Variants in AMDHD2 observed in about 807,000 individuals in gnomAD.
AMDHD2 encodes the protein N-acetylglucosamine-6-phosphate deacetylase.
AMDHD2 carries 24 observed loss-of-function variants against 41.8 expected under a neutral mutation model. The ratio of observed to expected loss-of-function variants is 0.57; its 90% CI spans 0.42 to 0.81. The LOEUF (loss-of-function observed/expected upper bound fraction) is 0.81. AMDHD2 is among the 30% of genes least tolerant of loss of function. The pLI is 0.00. For missense variants in AMDHD2, 540 were observed against 588.5 expected, an observed-to-expected ratio of 0.92 and a Z score of 0.85; for synonymous variants, 332 against 255.5, an observed-to-expected ratio of 1.30 and a Z score of -2.85.
In AMDHD2 at chr16:2,529,668, G is replaced by T; in HGVS notation, c.*105G>T. The T allele has an allele frequency of 6.4e-7, 1 of 1,557,912 alleles. No homozygotes were observed. Among genetic ancestry groups the T allele is most frequent in the Non-Finnish European group, 8.6e-7 (1 of 1,157,394 alleles). ...AGTGAGTCGGGAGCCCTGCTGGATT[G>T]ATGCCCAGGGCCTGTGCGGCCGCCC... On this transcript the variant is annotated 3_prime_UTR_variant, in exon 11 of 11. Transcript: ENST00000293971.
chr16:2,529,705 G>T lies in AMDHD2; in HGVS notation c.*142G>T. On this transcript the variant is annotated 3_prime_UTR_variant, in exon 11 of 11. Transcript: ENST00000293971. ...CTGTGCGGCCGCCCTGGAGGCGGTG[G>T]CTGGGATAAACGTGCACCCAGCAGG... 1 of 1,483,328 alleles carries T rather than the reference G, an allele frequency of 6.7e-7. No individual in the cohort carries two copies. The highest frequency in any genetic ancestry group is 8.9e-7 in the Non-Finnish European group (1 of 1,117,350). The allele number at this position is 1,483,328 out of a possible 1,614,324, so 91.9% of individuals were successfully genotyped here.
Position 2,521,331 on chromosome 16 carries a change from C to T in AMDHD2, c.360+208C>T, listed in dbSNP as rs931099998. Among the ~76,000 whole-genome samples, 7 of 152,110 alleles carry T rather than the reference C, an allele frequency of 4.6e-5. No individual in the cohort carries two copies. The East Asian group carries it at 5.8e-4, about 13-fold the overall frequency. On this transcript the variant is annotated intron_variant, in intron 3 of 10. Coordinates refer to ENST00000293971, the MANE Select transcript of AMDHD2 (RefSeq NM_001330449.2). Reference sequence around the variant, plus strand: ...GCCTGGCCTCCCTAGACCCTCTGTCCTCCGCAGCTGTCTCCACACTGCTGG... The same window carrying T: ...GCCTGGCCTCCCTAGACCCTCTGTCTTCCGCAGCTGTCTCCACACTGCTGG...
rs139970822 is a variant in AMDHD2, at chr16:2,530,122, G to C, written c.*559G>C. 2 of 1,312,426 alleles carry C rather than the reference G, an allele frequency of 1.5e-6. No individual in the cohort carries two copies. Among genetic ancestry groups the C allele is most frequent in the South Asian group, 3.0e-5 (2 of 67,270 alleles). The allele number at this position is 1,312,426 out of a possible 1,614,324, so 81.3% of individuals were successfully genotyped here. On this transcript the variant is annotated 3_prime_UTR_variant, in exon 11 of 11. Coordinates refer to ENST00000293971, the MANE Select transcript of AMDHD2 (RefSeq NM_001330449.2). ...GCCAGGGCACAGTGCCAGGGGCTCC[G>C]CTCTGACCTCCAGGAGGGAGACTGG...
intron 3 of AMDHD2, among the ~76,000 whole-genome samples, chr16:2,523,363 C>T (rs377478926): frequency 6.6e-6 from 1 of 152,200 alleles, no homozygotes; most frequent in African/African-American, 2.4e-5. Flanking sequence ...TGGGCAGAGC[C>T]AGAGCTGGGA....
At chr16:2,521,691 T>A (rs9934396) in intron 3 of AMDHD2, among the ~76,000 whole-genome samples, 2,925 of 152,250 alleles carry the variant, frequency 0.019, 97 homozygotes, top group African/African-American at 0.066. Context: ...TTACTACTAT[T>A]CAGGCTCCTC....
rs766387177 is a variant in AMDHD2 at position 2,531,122 on chromosome 16, G to A, written c.*1559G>A. 27 of 1,534,606 alleles carry A rather than the reference G, an allele frequency of 1.8e-5. 1 individual carries two copies. The highest frequency in any genetic ancestry group is 2.3e-4 in the Middle Eastern group (1 of 4,340). On this transcript the variant is annotated 3_prime_UTR_variant, in exon 11 of 11. Transcript: ENST00000293971. Reference sequence around the variant, plus strand: ...CATGTTGGTCATCCCCACCTCAGACGGGACGCCCAGTCCAGAGCTGGTGAG... The same window carrying A: ...CATGTTGGTCATCCCCACCTCAGACAGGACGCCCAGTCCAGAGCTGGTGAG...
In AMDHD2 at chr16:2,520,393, C is replaced by A; in HGVS notation, c.-66C>A. 4.2e-6 allele frequency: 5 copies of A among 1,185,534 alleles called. No individual in the cohort carries two copies. Among genetic ancestry groups the A allele is most frequent in the East Asian group, 3.3e-5 (1 of 30,540 alleles). The allele number at this position is 1,185,534 out of a possible 1,614,324, so 73.4% of individuals were successfully genotyped here. ...GCGGTCTCAGCTCTCGGCTGGGGTT[C>A]GTCACTGGGCGCGGGATTTGGCCGC... On this transcript the variant is annotated 5_prime_UTR_variant, in exon 1 of 11. Transcript: ENST00000293971.
At position 2,530,530 on chromosome 16, in the gene AMDHD2, CT is replaced by C; in HGVS notation, c.*970del. 1 of 1,614,196 alleles carries C rather than the reference CT, an allele frequency of 6.2e-7. No individual in the cohort carries two copies. The highest frequency in any genetic ancestry group is 8.5e-7 in the Non-Finnish European group (1 of 1,180,020). ...CCCACGTCAGGGGTGATTGTCTTGA[CT>C]TTCTCTCCATTTGAGTTCTGGGGTG... On this transcript the variant is annotated 3_prime_UTR_variant, in exon 11 of 11. Transcript: ENST00000293971.
In AMDHD2 at chr16:2,530,134, A is replaced by C. The variant is rs910717484; in HGVS notation, c.*571A>C. 2 of 1,370,952 alleles carry C rather than the reference A, an allele frequency of 1.5e-6. No individual in the cohort carries two copies. The highest frequency in any genetic ancestry group is 2.9e-5 in the African/African-American group (2 of 68,424). The allele number at this position is 1,370,952 out of a possible 1,614,324, so 84.9% of individuals were successfully genotyped here. On this transcript the variant is annotated 3_prime_UTR_variant, in exon 11 of 11. Coordinates refer to ENST00000293971, the MANE Select transcript of AMDHD2 (RefSeq NM_001330449.2). ...TGCCAGGGGCTCCGCTCTGACCTCCAGGAGGGAGACTGGGCCCGGGACCCC... is the reference window on the plus strand; with the variant it reads ...TGCCAGGGGCTCCGCTCTGACCTCCCGGAGGGAGACTGGGCCCGGGACCCC...
Position 2,520,859 on chromosome 16 carries a change from CG to C in AMDHD2, c.179del (p.Gly60AlafsTer68). The C allele has an allele frequency of 6.2e-7, 1 of 1,609,980 alleles. No individual in the cohort carries two copies. The highest frequency in any genetic ancestry group is 8.5e-7 in the Non-Finnish European group (1 of 1,178,486). Reference sequence around the variant, plus strand: ...GCGTGGCCGACGAGCGGCGGGACTGCGGGGGCCGCATCTTGGCTCCCGGATT... The same window carrying C: ...GCGTGGCCGACGAGCGGCGGGACTGCGGGGCCGCATCTTGGCTCCCGGATT... ...RRVADERRDCGGRILAPGFID... is the reference protein window; with the variant it reads ...RRVADERRDCXGRILAPGFID... On this transcript the variant is annotated frameshift_variant, in exon 2 of 11. Coordinates refer to ENST00000293971, the MANE Select transcript of AMDHD2 (RefSeq NM_001330449.2). LOFTEE classifies it high-confidence loss of function.
At position 2,521,096 on chromosome 16, in the gene AMDHD2, C is replaced by A; in HGVS notation, c.333C>A (p.Val111=). 6.3e-7 allele frequency: 1 copy of A among 1,597,204 alleles called. No individual in the cohort carries two copies. Among genetic ancestry groups the A allele is most frequent in the Admixed American group, 1.7e-5 (1 of 58,718 alleles). ...HGVTSFCPTL[V]TSPPEVYHKV... is the part of the protein sequence containing the mutation. ...TCACCTCCTTCTGCCCCACCCTGGTCACTTCCCCACCGGAGGTTTATCACA... is the reference window on the plus strand; with the variant it reads ...TCACCTCCTTCTGCCCCACCCTGGTAACTTCCCCACCGGAGGTTTATCACA... The change falls in exon 3 of 11, where the codon GTC becomes GTA. Residue 111 remains valine, a synonymous_variant. Transcript: ENST00000293971.
chr16:2,520,568 C>T (rs757894764), intron 1 of AMDHD2, 27 bp downstream of exon 1: 19 of 1,147,318 alleles, frequency 1.7e-5, no homozygotes, highest in South Asian at 4.3e-5. Flanking sequence ...GACTGCGGGG[C>T]TGGGGACCGG....
In AMDHD2 at chr16:2,521,129, G is replaced by A; in HGVS notation, c.360+6G>A. 1 of 1,565,360 alleles carries A rather than the reference G, an allele frequency of 6.4e-7. No homozygotes were observed. The highest frequency in any genetic ancestry group is 1.2e-5 in the South Asian group (1 of 86,832). ...CACCGGAGGTTTATCACAAGGTGAG[G>A]TGAGGCTCCCTGGCTGAGGTGGAGG... is the stretch of plus-strand genomic sequence containing the variant. On this transcript the variant is annotated splice_donor_region_variant and intron_variant, in intron 3 of 10. Coordinates refer to ENST00000293971, the MANE Select transcript of AMDHD2 (RefSeq NM_001330449.2).
In AMDHD2 at chr16:2,530,676, CAA is replaced by C. The variant is rs2066079307; in HGVS notation, c.*1115_*1116del. 1.2e-6 allele frequency: 2 copies of C among 1,614,132 alleles called. No individual in the cohort carries two copies. The highest frequency in any genetic ancestry group is 1.7e-6 in the Non-Finnish European group (2 of 1,180,010). On this transcript the variant is annotated 3_prime_UTR_variant, in exon 11 of 11. Coordinates refer to ENST00000293971, the MANE Select transcript of AMDHD2 (RefSeq NM_001330449.2). ...CCAGTTAAGGAAATGTCTCCAGGTC[CAA>C]AGAGATAGGATGGTCTGGGCCCCAC...
In AMDHD2 at chr16:2,520,784, G is replaced by T. The variant is rs760946327; in HGVS notation, c.99G>T (p.Val33=). The T allele has an allele frequency of 1.6e-5, 25 of 1,602,268 alleles. No homozygotes were observed. The highest frequency in any genetic ancestry group is 2.0e-5 in the Non-Finnish European group (24 of 1,176,608). The part of the protein sequence containing the change: ...GGKLLREDLW[V]RGGRILDPEK... ...GCGTCCCCAGGGAGGATCTGTGGGT[G>T]CGCGGAGGCCGCATCTTGGACCCAG... is the stretch of plus-strand genomic sequence containing the variant. The change falls in exon 2 of 11, where the codon GTG becomes GTT. Residue 33 remains valine (V), a synonymous_variant. Coordinates refer to ENST00000293971, the MANE Select transcript of AMDHD2 (RefSeq NM_001330449.2).
In AMDHD2 at chr16:2,530,805, G is replaced by A; in HGVS notation, c.*1242G>A. Reference sequence around the variant, plus strand: ...ACAAGGGGTTGATCTCAGCCCACAAGCCCCAGGGGCAGCCCAGGAAAGCAG... The same window carrying A: ...ACAAGGGGTTGATCTCAGCCCACAAACCCCAGGGGCAGCCCAGGAAAGCAG... On this transcript the variant is annotated 3_prime_UTR_variant, in exon 11 of 11. Coordinates refer to ENST00000293971, the MANE Select transcript of AMDHD2 (RefSeq NM_001330449.2). 1 of 1,613,778 alleles carries A rather than the reference G, an allele frequency of 6.2e-7. No homozygotes were observed. Among genetic ancestry groups the A allele is most frequent in the Non-Finnish European group, 8.5e-7 (1 of 1,179,982 alleles).
chr16:2,529,465 T>C lies in AMDHD2; in HGVS notation c.1142-10T>C. 1 of 1,609,304 alleles carries C rather than the reference T, an allele frequency of 6.2e-7. No individual in the cohort carries two copies. Among genetic ancestry groups the C allele is most frequent in the Non-Finnish European group, 8.5e-7 (1 of 1,179,922 alleles). Reference sequence around the variant, plus strand: ...TCCTGCCCCCTACTCATTGCCCGGCTCTGTCCCAGACTTCGTGGTGCTCGA... The same window carrying C: ...TCCTGCCCCCTACTCATTGCCCGGCCCTGTCCCAGACTTCGTGGTGCTCGA... On this transcript the variant is annotated splice_polypyrimidine_tract_variant and intron_variant, in intron 10 of 10. Coordinates refer to ENST00000293971, the MANE Select transcript of AMDHD2 (RefSeq NM_001330449.2).
At chr16:2,522,104 G>T (rs1226496083) in intron 3 of AMDHD2, among the ~76,000 whole-genome samples, 1 of 152,042 alleles carries the variant, frequency 6.6e-6, no homozygotes, top group Non-Finnish European at 1.5e-5. Flanking sequence ...ATTTTTAAGA[G>T]ACAGGGTTTC....
intron 3 of AMDHD2, among the ~76,000 whole-genome samples, chr16:2,523,814 C>G (rs8056985): frequency 0.042 from 6,409 of 152,268 alleles, 433 homozygotes; most frequent in African/African-American, 0.14. Context: ...CTGTCCCCAG[C>G]CACATTCCCC....
Sources: allele counts gnomAD v4.1 joint callset (sites outside exome capture counted in the v4.1 genomes callset), GRCh38; gene constraint gnomAD v4.1.1; transcripts MANE v1.5; gene names NCBI Gene and HGNC (gene_info 2026-07-23, HGNC 2026-07-21).